Variants in GLB1 observed in about 807,000 individuals in gnomAD.
The protein encoded by GLB1 is galactosidase beta 1.
Under a neutral mutation model 74.0 loss-of-function variants are expected in GLB1, and 56 were observed. The ratio of observed to expected loss-of-function variants is 0.76; its 90% CI spans 0.61 to 0.94. The LOEUF (loss-of-function observed/expected upper bound fraction) is 0.94, where lower values mean the gene tolerates loss of function less well. Ranked by LOEUF, GLB1 falls within the 40% of genes least tolerant of loss-of-function variation. The pLI is 0.00. For missense variants in GLB1, 787 were observed against 845.5 expected (o/e 0.93, Z 0.86); for synonymous variants, 323 against 323.6 (o/e 1.00, Z 0.02).
the GLB1 span, among the ~76,000 whole-genome samples, chr3:32,961,166 G>T: frequency 6.6e-6 from 1 of 152,224 alleles, no homozygotes; most frequent in Non-Finnish European, 1.5e-5. Flanking sequence ...GCCAAAGTCT[G>T]CATTTTCACC....
chr3:33,021,248 C>T, intron 12 of GLB1: 1 of 398,814 alleles, frequency 2.5e-6, no homozygotes, highest in South Asian at 2.5e-5. Flanking sequence ...CAGTGATCTT[C>T]CACTGATGCC....
intron 1 of GLB1, among the ~76,000 whole-genome samples, chr3:33,082,516 T>G (rs1172190950): frequency 1.3e-5 from 2 of 152,192 alleles, no homozygotes; most frequent in African/African-American, 4.8e-5. Context: ...CCCGTGAGCC[T>G]CTGCCAGAAA....
At chr3:33,024,089 T>G (rs749903238) in intron 11 of GLB1, among the ~76,000 whole-genome samples, 162 bp downstream of exon 11, 3 of 152,174 alleles carry the variant, frequency 2.0e-5, no homozygotes, top group Non-Finnish European at 4.4e-5. Context: ...TCTCCCCATT[T>G]TCCCAGAAAC....
At chr3:33,037,157 T>C (rs1307307877) in intron 10 of GLB1, among the ~76,000 whole-genome samples, 1 of 151,994 alleles carries the variant, frequency 6.6e-6, no homozygotes, top group Admixed American at 6.6e-5. Context: ...GCGATTCTCC[T>C]GCCCCAGTCT....
chr3:33,051,939 G>A lies in GLB1; in HGVS notation c.858C>T (p.Thr286=), dbSNP rs770638519. 42 of 1,614,076 alleles carry A rather than the reference G, an allele frequency of 2.6e-5. No homozygotes were observed. Among genetic ancestry groups the A allele is most frequent in the South Asian group, 1.1e-4 (10 of 91,092 alleles). The part of the protein sequence containing the change: ...HWGQPHSTIK[T]EAVASSLYDI... Reference sequence around the variant, plus strand: ...CATAGAGGGAGGAAGCCACTGCTTCGGTCTTGATTGTGGAGTGAGGTTGGC... The same window carrying A: ...CATAGAGGGAGGAAGCCACTGCTTCAGTCTTGATTGTGGAGTGAGGTTGGC... Residue 286 remains threonine, a synonymous_variant, in exon 8 of 16, where the codon ACC becomes ACT. Coordinates refer to ENST00000307363, the MANE Select transcript of GLB1 (RefSeq NM_000404.4).
intron 5 of GLB1, among the ~76,000 whole-genome samples, chr3:33,062,661 AC>A (rs1421962632): frequency 1.3e-5 from 2 of 152,050 alleles, no homozygotes; most frequent in Non-Finnish European, 2.9e-5. Flanking sequence ...GGTTGCCCGC[AC>A]CTGTAGTCCC....
At chr3:33,077,738 GATGAGATGGGGAAAA>G (rs1422807806) in intron 1 of GLB1, among the ~76,000 whole-genome samples, 1 of 150,094 alleles carries the variant, frequency 6.7e-6, no homozygotes, top group Non-Finnish European at 1.5e-5. Context: ...ATCAAGTGGA[GATGAGATGGGGAAAA>G]ATACCGATTC....
intron 10 of GLB1, among the ~76,000 whole-genome samples, chr3:33,024,918 T>G (rs1159622395): frequency 3.3e-5 from 5 of 151,146 alleles, no homozygotes; most frequent in Admixed American, 3.3e-4. Flanking sequence ...TTGACACAGA[T>G]AAGTCCGGGT....
Position 33,028,381 on chromosome 3 carries a change from C to T in GLB1, c.1069-4056G>A, listed in dbSNP as rs1015837414. ...TTATATCACCATTTTCAGCTTCTCTCCTAGTTATCTTTGTACCTTTAAAAT... is the reference window on the plus strand; with the variant it reads ...TTATATCACCATTTTCAGCTTCTCTTCTAGTTATCTTTGTACCTTTAAAAT... On this transcript the variant is annotated intron_variant, in intron 10 of 15. Transcript: ENST00000307363. 2.0e-5 allele frequency among the ~76,000 whole-genome samples: 3 copies of T among 152,088 alleles called. No homozygotes were observed. The East Asian group carries it at 5.8e-4, about 29-fold the overall frequency.
At chr3:33,007,409 C>T (rs1046273076) in intron 15 of GLB1, among the ~76,000 whole-genome samples, 1 of 152,212 alleles carries the variant, frequency 6.6e-6, no homozygotes, top group Non-Finnish European at 1.5e-5. Context: ...CACAGATCTT[C>T]CTGTCTATAT....
the GLB1 span, among the ~76,000 whole-genome samples, chr3:32,990,138 C>T: frequency 6.6e-6 from 1 of 152,170 alleles, no homozygotes; most frequent in African/African-American, 2.4e-5. Context: ...TACATGCCAC[C>T]AATTTCTGGA....
intron 9 of GLB1, among the ~76,000 whole-genome samples, chr3:33,049,194 A>C (rs994188490): frequency 1.3e-5 from 2 of 152,206 alleles, no homozygotes; most frequent in African/African-American, 2.4e-5. Flanking sequence ...ATCCCCATCT[A>C]CTAAGTGAAA....
the GLB1 span, among the ~76,000 whole-genome samples, chr3:32,984,941 C>CAA: frequency 9.3e-3 from 1,185 of 127,582 alleles, 21 homozygotes; most frequent in African/African-American, 0.032. Context: ...GACTCTGTCT[C>CAA]AAAAAAAAAA....
At chr3:33,072,819 G>A (rs747639336) in intron 1 of GLB1, 106 bp from the exon 2 acceptor site, 1 of 1,521,644 alleles carries the variant, frequency 6.6e-7, no homozygotes, top group Admixed American at 1.9e-5. Flanking sequence ...TTTGTATAAT[G>A]TGCTGATGGA....
chr3:32,966,865 C>T, the GLB1 span, among the ~76,000 whole-genome samples: 1 of 152,192 alleles, frequency 6.6e-6, no homozygotes, highest in Non-Finnish European at 1.5e-5. Flanking sequence ...GTCTTGCCTG[C>T]TGCCATGTAA....
chr3:33,068,363 T>C, intron 3 of GLB1, 73 bp from the exon 4 acceptor site: 1 of 1,588,612 alleles, frequency 6.3e-7, no homozygotes, highest in Non-Finnish European at 8.6e-7. Context: ...AAATTACTAT[T>C]AGTAGTTATG....
chr3:33,042,451 TC>T (rs1442598508), intron 10 of GLB1, among the ~76,000 whole-genome samples: 27 of 137,506 alleles, frequency 2.0e-4, no homozygotes, highest in Non-Finnish European at 3.7e-4. Flanking sequence ...CACTGCAAGC[TC>T]CACCTCCCGG....
Position 33,051,741 on chromosome 3 carries a change from T to C in GLB1, c.955+17A>G. 1.9e-6 allele frequency: 3 copies of C among 1,613,998 alleles called. No individual in the cohort carries two copies. Among genetic ancestry groups the C allele is most frequent in the Non-Finnish European group, 2.5e-6 (3 of 1,180,026 alleles). On this transcript the variant is annotated intron_variant, in intron 9 of 15. Transcript: ENST00000307363. ...ACATTCTAGCATAAGTTTCTACAGA[T>C]ATTAAAGTGCTCTTACCATTCCAAT...
intron 2 of GLB1, among the ~76,000 whole-genome samples, chr3:33,072,014 T>C (rs1445357568): frequency 6.6e-6 from 1 of 152,244 alleles, no homozygotes; most frequent in Non-Finnish European, 1.5e-5. Flanking sequence ...TCTTCTTTTC[T>C]GAAGACTCTC....
Sources: allele counts gnomAD v4.1 joint callset (sites outside exome capture counted in the v4.1 genomes callset), GRCh38; gene constraint gnomAD v4.1.1; transcripts MANE v1.5; gene names NCBI Gene and HGNC (gene_info 2026-07-23, HGNC 2026-07-21).